VEPH1: variants seen among roughly 807,000 people sequenced by gnomAD.
VEPH1 encodes ventricular zone-expressed PH domain-containing protein homolog 1.
A neutral mutation model predicts 85.2 loss-of-function variants in VEPH1; 80 were observed. That is an observed-to-expected ratio of 0.94 (90% confidence interval 0.78 to 1.13). The LOEUF is 1.13. Among genes scored for constraint, VEPH1 ranks in the 50% most tolerant of loss-of-function variants. VEPH1 has a pLI of 0.00. For missense variants in VEPH1, 955 were observed against 980.5 expected (o/e 0.97, Z 0.35); for synonymous variants, 297 against 348.0 (o/e 0.85, Z 1.63).
chr3:157,326,404 G>T (rs913661003), intron 9 of VEPH1, among the ~76,000 whole-genome samples: 1 of 152,120 alleles, frequency 6.6e-6, no homozygotes, highest in Non-Finnish European at 1.5e-5. Context: ...AAAGTAAAAT[G>T]GAATTAATTT....
intron 6 of VEPH1, among the ~76,000 whole-genome samples, chr3:157,398,419 A>G (rs1730576308): frequency 7.3e-5 from 11 of 151,516 alleles, no homozygotes; most frequent in Admixed American, 7.2e-4. Flanking sequence ...GTGGATCACG[A>G]GGTCAGGAGA....
intron 7 of VEPH1, among the ~76,000 whole-genome samples, chr3:157,366,116 C>T (rs1372611343): frequency 1.3e-5 from 2 of 152,120 alleles, no homozygotes; most frequent in East Asian, 3.9e-4. Context: ...AAAAGACACC[C>T]ATCAATCTGA....
At chr3:157,423,064 G>A (rs892256693) in intron 5 of VEPH1, among the ~76,000 whole-genome samples, 7 of 151,996 alleles carry the variant, frequency 4.6e-5, no homozygotes, top group Non-Finnish European at 7.4e-5. Flanking sequence ...ACTTTTCCTC[G>A]TTCTTCATGT....
chr3:157,447,448 A>T (rs1734636514), intron 4 of VEPH1, among the ~76,000 whole-genome samples: 1 of 152,208 alleles, frequency 6.6e-6, no homozygotes, highest in Non-Finnish European at 1.5e-5. Flanking sequence ...AGAATATTTG[A>T]TTAATAAATT....
intron 2 of VEPH1, among the ~76,000 whole-genome samples, chr3:157,480,427 A>G (rs946007254): frequency 6.6e-6 from 1 of 152,290 alleles, no homozygotes; most frequent in African/African-American, 2.4e-5. Flanking sequence ...AGTACACAAT[A>G]GGAAGTTTTT....
rs377687637 is a variant in VEPH1 at position 157,475,760 on chromosome 3, T to C, written c.139-5231A>G. ...GAAATTCAAAATTTGACTTCTCTTA[T>C]GTATAGACCTACTCAGGGTGACCCT... On this transcript the variant is annotated intron_variant, in intron 2 of 13. Coordinates refer to ENST00000362010, the MANE Select transcript of VEPH1 (RefSeq NM_001167912.2). Among the ~76,000 whole-genome samples the C allele has an allele frequency of 6.6e-5, 10 of 152,330 alleles. No homozygotes were observed. In the East Asian group the frequency reaches 1.4e-3, roughly 21 times the overall value.
rs1712894863 is a variant in VEPH1 at position 157,261,482 on chromosome 3, A to G, written c.2266-112T>C. 4 of 1,494,576 alleles carry G rather than the reference A, an allele frequency of 2.7e-6. No individual in the cohort carries two copies. In the South Asian group the frequency reaches 5.5e-5, roughly 21 times the overall value. The allele number at this position is 1,494,576 out of a possible 1,614,324, so 92.6% of individuals were successfully genotyped here. A position where few individuals can be genotyped will look rare whatever the true frequency, so the allele number is the denominator to read the frequency against. On this transcript the variant is annotated intron_variant, in intron 13 of 13. Coordinates refer to ENST00000362010, the MANE Select transcript of VEPH1 (RefSeq NM_001167912.2). Reference sequence around the variant, plus strand: ...AGAATCCTTTCACTTTTTATGTCTCAAGACCTTTGTTATTTTGGGTGCTAA... The same window carrying G: ...AGAATCCTTTCACTTTTTATGTCTCGAGACCTTTGTTATTTTGGGTGCTAA...
intron 2 of VEPH1, among the ~76,000 whole-genome samples, chr3:157,473,033 G>A (rs1446716423): frequency 7.1e-6 from 1 of 141,374 alleles, no homozygotes; most frequent in African/African-American, 2.6e-5. Context: ...TTTCTCATTA[G>A]AACTTTTAAT....
At chr3:157,450,215 C>T (rs1361968352) in intron 4 of VEPH1, among the ~76,000 whole-genome samples, 1 of 151,748 alleles carries the variant, frequency 6.6e-6, no homozygotes, top group Non-Finnish European at 1.5e-5. Flanking sequence ...ACCACCAAGC[C>T]CAGATAAATT....
chr3:157,455,132 A>G (rs1735266449), intron 4 of VEPH1, among the ~76,000 whole-genome samples: 1 of 152,170 alleles, frequency 6.6e-6, no homozygotes, highest in African/African-American at 2.4e-5. Context: ...GCTGGGTCAA[A>G]TAATAGTTCT....
chr3:157,459,927 C>G (rs1347124192), intron 4 of VEPH1: 12 of 1,537,158 alleles, frequency 7.8e-6, no homozygotes, highest in Non-Finnish European at 1.0e-5. Flanking sequence ...GTTCTTCAAA[C>G]TGAGAAACAC....
intron 2 of VEPH1, 137 bp from the exon 3 acceptor site, chr3:157,470,666 A>G: frequency 1.5e-6 from 1 of 683,136 alleles, no homozygotes; most frequent in Non-Finnish European, 2.3e-6. Flanking sequence ...AGCCTAATAC[A>G]ATAAAGGCTT....
intron 4 of VEPH1, chr3:157,459,894 G>T (rs1364904550): frequency 1.3e-6 from 2 of 1,537,212 alleles, no homozygotes; most frequent in South Asian, 1.2e-5. Context: ...AGTTGAACAG[G>T]TGACCAGAAG....
At chr3:157,497,051 C>T (rs1236106973) in intron 1 of VEPH1, among the ~76,000 whole-genome samples, 1 of 152,106 alleles carries the variant, frequency 6.6e-6, no homozygotes, top group Admixed American at 6.5e-5. Flanking sequence ...ACTGCTAAAG[C>T]CATGCAGCTA....
At chr3:157,416,719 T>C (rs561678909) in intron 5 of VEPH1, among the ~76,000 whole-genome samples, 63 of 151,336 alleles carry the variant, frequency 4.2e-4, no homozygotes, top group African/African-American at 1.5e-3. Flanking sequence ...CTACACAGCA[T>C]GGGTTTTAGC....
In VEPH1 at chr3:157,290,035, A is replaced by AACACAC. The variant is rs34035101; in HGVS notation, c.2011-3367_2011-3362dup. ...ATCAATTCCGTTGTTATTATACACA[A>AACACAC]ACACACACACACACACACACACACA... On this transcript the variant is annotated intron_variant, in intron 11 of 13. Coordinates refer to ENST00000362010, the MANE Select transcript of VEPH1 (RefSeq NM_001167912.2). Among the ~76,000 whole-genome samples the AACACAC allele has an allele frequency of 1.9e-3, 275 of 144,398 alleles. 1 individual carries two copies. Among genetic ancestry groups the AACACAC allele is most frequent in the Middle Eastern group, 7.5e-3 (2 of 268 alleles). 94.7% of individuals were successfully genotyped at this position (144,398 alleles called of 152,430 possible).
At chr3:157,437,861 G>T (rs772552612) in intron 4 of VEPH1, 2 of 1,499,982 alleles carry the variant, frequency 1.3e-6, no homozygotes, top group Non-Finnish European at 1.8e-6. Flanking sequence ...CGGCAGACGC[G>T]AGCCGACCTG....
chr3:157,260,586 C>G lies in VEPH1; in HGVS notation c.*548G>C, dbSNP rs1264041113. The G allele has an allele frequency of 6.6e-6, 1 of 152,068 alleles. No homozygotes were observed. Among genetic ancestry groups the G allele is most frequent in the Admixed American group, 6.6e-5 (1 of 15,264 alleles). The allele number at this position is 152,068 out of a possible 1,614,324, so 9.4% of individuals were successfully genotyped here. On this transcript the variant is annotated 3_prime_UTR_variant, in exon 14 of 14. Coordinates refer to ENST00000362010, the MANE Select transcript of VEPH1 (RefSeq NM_001167912.2). ...CTGGCTTGATTTGGGAACCATTTTA[C>G]CATGTGTTAGCCTCAGTTGTAGTAA...
chr3:157,456,854 C>A (rs1033603700), intron 4 of VEPH1, among the ~76,000 whole-genome samples: 2 of 152,026 alleles, frequency 1.3e-5, no homozygotes, highest in African/African-American at 4.8e-5. Flanking sequence ...CTTGGCTATT[C>A]AGGCTCTTTT....
Sources: allele counts gnomAD v4.1 joint callset (sites outside exome capture counted in the v4.1 genomes callset), GRCh38; gene constraint gnomAD v4.1.1; transcripts MANE v1.5; gene names NCBI Gene and HGNC (gene_info 2026-07-23, HGNC 2026-07-21).